The following UCK2 variants were observed in gnomAD, a reference collection of about 807,000 sequenced individuals.
UCK2 encodes uridine-cytidine kinase 2.
Under a neutral mutation model 30.8 loss-of-function variants are expected in UCK2, and 6 were observed. The observed-to-expected ratio is 0.19, with a 90% CI of 0.11 to 0.38. UCK2 has a LOEUF of 0.38. UCK2 is among the 10% of genes least tolerant of loss of function. The pLI is 1.00. For missense variants in UCK2, 210 were observed against 339.8 expected (o/e 0.62, Z 3.00); for synonymous variants, 125 against 133.6 (o/e 0.94, Z 0.45).
chr1:165,901,051 T>C (rs1249692685), intron 4 of UCK2, among the ~76,000 whole-genome samples: 1 of 152,236 alleles, frequency 6.6e-6, no homozygotes, highest in East Asian at 1.9e-4. Context: ...TGGGGACTTC[T>C]GGGGGGTGAG....
intron 3 of UCK2, chr1:165,895,624 C>A: frequency 1.0e-6 from 1 of 985,664 alleles, no homozygotes; most frequent in Non-Finnish European, 1.2e-6. Context: ...TTCTGTACTT[C>A]CTCACAAATG....
chr1:165,881,794 T>A (rs1655506729), intron 1 of UCK2, among the ~76,000 whole-genome samples: 1 of 152,190 alleles, frequency 6.6e-6, no homozygotes, highest in African/African-American at 2.4e-5. Flanking sequence ...GCCAAACATG[T>A]AATTACATAA....
intron 1 of UCK2, among the ~76,000 whole-genome samples, chr1:165,834,508 T>TAATATAAAG (rs1208801025): frequency 6.6e-5 from 10 of 152,182 alleles, no homozygotes; most frequent in African/African-American, 2.4e-4. Context: ...TTTAATAGAA[T>TAATATAAAG]AACCTGAAAA....
chr1:165,907,557 G>A (rs1455782092), intron 6 of UCK2, 127 bp from the exon 7 acceptor site: 2 of 1,337,826 alleles, frequency 1.5e-6, no homozygotes, highest in Non-Finnish European at 2.0e-6. Flanking sequence ...GCCTGCAAGT[G>A]GCAGAGCCAC....
At chr1:165,890,883 T>TC (rs1328309804) in intron 2 of UCK2, 1 of 292,260 alleles carries the variant, frequency 3.4e-6, no homozygotes. Context: ...TTGTGTGTAC[T>TC]CCCCCAGTCA....
intron 3 of UCK2, chr1:165,894,295 T>G (rs1321766778): frequency 6.6e-6 from 1 of 152,208 alleles, no homozygotes; most frequent in East Asian, 1.9e-4. Flanking sequence ...TTCACTTTAT[T>G]TTTGGACAAA....
intron 1 of UCK2, among the ~76,000 whole-genome samples, chr1:165,854,751 C>G (rs1654685484): frequency 2.6e-5 from 4 of 152,066 alleles, no homozygotes; most frequent in African/African-American, 9.7e-5. Flanking sequence ...GCAGCTCCCC[C>G]ACTCTTCCCA....
intron 1 of UCK2, among the ~76,000 whole-genome samples, chr1:165,873,427 ACT>A (rs1162174337): frequency 1.3e-5 from 2 of 152,204 alleles, no homozygotes; most frequent in African/African-American, 4.8e-5. Flanking sequence ...TAGCAGTAGG[ACT>A]TAGCCAATCA....
chr1:165,855,739 T>C (rs975724394), intron 1 of UCK2, among the ~76,000 whole-genome samples: 1 of 152,144 alleles, frequency 6.6e-6, no homozygotes, highest in Non-Finnish European at 1.5e-5. Flanking sequence ...AACATGAATA[T>C]TCGAGGAGCA....
chr1:165,898,936 T>C (rs1444082935), intron 4 of UCK2, among the ~76,000 whole-genome samples: 4 of 152,210 alleles, frequency 2.6e-5, no homozygotes, highest in Non-Finnish European at 4.4e-5. Flanking sequence ...GATGGATTCA[T>C]GGGACTTTTC....
Position 165,907,814 on chromosome 1 carries a change from G to C in UCK2, c.777G>C (p.Arg259Ser), listed in dbSNP as rs780277954. Residue 259 changes from arginine (R) to serine (S), a missense_variant, in exon 7 of 7, where the codon AGG becomes AGC. This residue lies in a region of UCK2 where 38 missense variants were observed against 45.4 expected (regional missense o/e 0.84). Transcript: ENST00000367879. ...GGCAGGCATCGGAGTCCAGCAGCAG[G>C]CCGCATTGACCCGTCTCCATCGGAC... is the stretch of plus-strand genomic sequence containing the variant. ...RKRQASESSSRPH is the reference protein window; with the variant it reads ...RKRQASESSSSPH 6.2e-7 allele frequency: 1 copy of C among 1,614,102 alleles called. No individual in the cohort carries two copies. Among genetic ancestry groups the C allele is most frequent in the South Asian group, 1.1e-5 (1 of 91,070 alleles).
At chr1:165,902,602 T>TTTC in intron 4 of UCK2, 1 of 130,586 alleles carries the variant, frequency 7.7e-6, no homozygotes, top group Non-Finnish European at 1.6e-5. Context: ...ATTTTTTTTT[T>TTTC]TTTTTTTTTT....
rs574429278 is a variant in UCK2 at position 165,897,824 on chromosome 1, G to C, written c.499+1492G>C. On this transcript the variant is annotated intron_variant, in intron 4 of 6. Transcript: ENST00000367879. ...GGGAGCTACATCTTGCTCCCAGGTG[G>C]GGTGAGGGACAGTTAGTTTTGTGTG... 6.0e-4 allele frequency among the ~76,000 whole-genome samples: 92 copies of C among 152,274 alleles called. 1 individual carries two copies. The highest frequency in any genetic ancestry group is 3.3e-3 in the South Asian group (16 of 4,822).
chr1:165,876,014 A>G (rs901123141), intron 1 of UCK2, among the ~76,000 whole-genome samples: 3 of 152,168 alleles, frequency 2.0e-5, no homozygotes, highest in African/African-American at 7.2e-5. Context: ...CTGACCCAAC[A>G]TTATCACAAA....
chr1:165,859,728 G>A (rs150673933), intron 1 of UCK2, among the ~76,000 whole-genome samples: 34 of 152,284 alleles, frequency 2.2e-4, no homozygotes, highest in African/African-American at 7.9e-4. Context: ...TGGGTGGGGA[G>A]GAGTAGGGGG....
intron 3 of UCK2, among the ~76,000 whole-genome samples, chr1:165,893,602 G>C (rs538838126): frequency 3.3e-5 from 5 of 152,352 alleles, no homozygotes; most frequent in African/African-American, 1.2e-4. Flanking sequence ...AGCCAAATGA[G>C]ATGGTTAGAC....
chr1:165,868,880 C>A (rs1365468189), intron 1 of UCK2, among the ~76,000 whole-genome samples: 1 of 152,210 alleles, frequency 6.6e-6, no homozygotes, highest in Non-Finnish European at 1.5e-5. Context: ...TAGCTTTTGA[C>A]CTGTCTTGGC....
intron 1 of UCK2, among the ~76,000 whole-genome samples, chr1:165,874,853 G>A (rs1205067660): frequency 6.6e-6 from 1 of 152,204 alleles, no homozygotes; most frequent in East Asian, 1.9e-4. Context: ...GGCTGTGGCA[G>A]GAACACTAAC....
At chr1:165,900,805 T>C (rs1379678185) in intron 4 of UCK2, 5 of 152,246 alleles carry the variant, frequency 3.3e-5, no homozygotes, top group African/African-American at 1.2e-4. Flanking sequence ...GCTAAAGCCT[T>C]CAGCAATTGT....
Sources: gnomAD v4.1 joint callset for allele counts (sites outside exome capture counted in the v4.1 genomes callset) on GRCh38, gnomAD v4.1.1 for gene constraint, gnomAD v4.1.1 regional missense constraint, MANE v1.5 for transcripts, NCBI Gene and HGNC (gene_info 2026-07-23, HGNC 2026-07-21) for gene names.